The following SRGAP3 variants were observed in gnomAD, a reference collection of about 807,000 sequenced individuals.
SRGAP3 encodes SLIT-ROBO Rho GTPase activating protein 3.
A neutral mutation model predicts 121.1 loss-of-function variants in SRGAP3; 39 were observed. That is an observed-to-expected ratio of 0.32 (90% CI 0.25 to 0.42). The LOEUF is 0.42. Ranked by LOEUF, SRGAP3 falls within the 10% of genes least tolerant of loss-of-function variation. The pLI, the probability that SRGAP3 is intolerant of heterozygous loss-of-function variation, is 1.00. For missense variants in SRGAP3, 1,213 were observed against 1,470.6 expected, an observed-to-expected ratio of 0.82 and a Z score of 2.86; for synonymous variants, 601 against 570.0, an observed-to-expected ratio of 1.05 and a Z score of -0.77.
intron 1 of SRGAP3, among the ~76,000 whole-genome samples, chr3:9,232,163 C>T (rs939479861): frequency 2.6e-5 from 4 of 152,218 alleles, no homozygotes; most frequent in African/African-American, 9.6e-5. Context: ...ATGAGCACCA[C>T]AGTAAGTTCA....
At chr3:9,306,110 T>C (rs1955156617) in intron 3 of SRGAP3, among the ~76,000 whole-genome samples, 1 of 152,258 alleles carries the variant, frequency 6.6e-6, no homozygotes, top group African/African-American at 2.4e-5. Context: ...CCATTCCAAA[T>C]GGCGTGAGAT....
chr3:9,294,920 T>G (rs776229372), intron 3 of SRGAP3, among the ~76,000 whole-genome samples: 7 of 152,200 alleles, frequency 4.6e-5, no homozygotes, highest in Non-Finnish European at 8.8e-5. Flanking sequence ...TGTTCCTTCC[T>G]GCCCTTCGTT....
intron 1 of SRGAP3, among the ~76,000 whole-genome samples, chr3:9,140,525 C>G (rs986251910): frequency 6.6e-6 from 1 of 152,138 alleles, no homozygotes; most frequent in African/African-American, 2.4e-5. Context: ...CACTGAACAC[C>G]TATGTGCTAA....
chr3:9,326,954 ACT>A (rs984475905), intron 2 of SRGAP3, among the ~76,000 whole-genome samples: 4 of 151,696 alleles, frequency 2.6e-5, no homozygotes, highest in African/African-American at 9.6e-5. Context: ...AGGCCAACTG[ACT>A]CTGTCTCCTT....
upstream of SRGAP3, among the ~76,000 whole-genome samples, chr3:9,252,677 A>G (rs949335889): frequency 6.6e-6 from 1 of 152,158 alleles, no homozygotes; most frequent in Non-Finnish European, 1.5e-5. Flanking sequence ...GCAGGCCCCC[A>G]GCACCAGGTC....
At chr3:9,247,670 T>A (rs2125246203) in intron 1 of SRGAP3, among the ~76,000 whole-genome samples, 1 of 152,234 alleles carries the variant, frequency 6.6e-6, no homozygotes, top group East Asian at 1.9e-4. Flanking sequence ...GAGCCCCAAA[T>A]ACCCAACTTG....
intron 3 of SRGAP3, among the ~76,000 whole-genome samples, chr3:9,286,103 C>T (rs1252250003): frequency 7.0e-6 from 1 of 142,470 alleles, no homozygotes; most frequent in Admixed American, 7.6e-5. Context: ...CAAAGCGAGA[C>T]CCTATCTCAA....
intron 4 of SRGAP3, among the ~76,000 whole-genome samples, chr3:9,075,822 T>C (rs1446566296): frequency 6.6e-6 from 1 of 152,154 alleles, no homozygotes; most frequent in Non-Finnish European, 1.5e-5. Context: ...CCAGGCATGG[T>C]AACTAGAAAG....
intron 3 of SRGAP3, among the ~76,000 whole-genome samples, chr3:9,275,899 C>T (rs1321214845): frequency 1.3e-5 from 2 of 152,002 alleles, no homozygotes; most frequent in African/African-American, 4.8e-5. Flanking sequence ...GAATCTACTG[C>T]TAAAAAAATA....
At chr3:9,188,012 C>A (rs550613731) in intron 1 of SRGAP3, among the ~76,000 whole-genome samples, 1 of 152,266 alleles carries the variant, frequency 6.6e-6, no homozygotes, top group South Asian at 2.1e-4. Context: ...TTTCTGTGCC[C>A]ATCCCAAATT....
intron 1 of SRGAP3, among the ~76,000 whole-genome samples, chr3:9,204,614 T>C (rs1952196515): frequency 6.6e-6 from 1 of 151,720 alleles, no homozygotes; most frequent in Non-Finnish European, 1.5e-5. Flanking sequence ...GGGGAAAACA[T>C]TCTACACCCA....
intron 1 of SRGAP3, among the ~76,000 whole-genome samples, chr3:9,177,713 TCAACA>T (rs1157533198): frequency 1.3e-5 from 2 of 152,210 alleles, no homozygotes; most frequent in African/African-American, 4.8e-5. Context: ...TTTTCTGGCA[TCAACA>T]CTTGAGTGTT....
chr3:9,278,126 G>A (rs1292678270), intron 3 of SRGAP3, among the ~76,000 whole-genome samples: 1 of 152,176 alleles, frequency 6.6e-6, no homozygotes, highest in Non-Finnish European at 1.5e-5. Flanking sequence ...CCAGTTTATG[G>A]TATTTTCTTA....
In SRGAP3 at chr3:8,992,948, G is replaced by T; in HGVS notation, c.2516C>A (p.Thr839Lys). ...AAAGCCGTAATCCGAGATGTGCTCC[G>T]TGGGGGACTGGAGGTCGTTTTTGGA... ...ASSKNDLQSPTEHISDYGFGG... is the reference protein window; with the variant it reads ...ASSKNDLQSPKEHISDYGFGG... The change falls in exon 20 of 22, where the codon ACG becomes AAG. Residue 839 changes from threonine to lysine, a missense_variant. This residue lies in a region of SRGAP3 where 420 missense variants were observed against 437.7 expected (regional missense o/e 0.96). Transcript: ENST00000383836. 1 of 1,614,206 alleles carries T rather than the reference G, an allele frequency of 6.2e-7. No individual in the cohort carries two copies. The highest frequency in any genetic ancestry group is 8.5e-7 in the Non-Finnish European group (1 of 1,180,044).
At chr3:9,012,976 T>C (rs1943448256) in intron 17 of SRGAP3, among the ~76,000 whole-genome samples, 1 of 152,128 alleles carries the variant, frequency 6.6e-6, no homozygotes, top group African/African-American at 2.4e-5. Context: ...GGCCAAGGAA[T>C]GGAGACTGCA....
chr3:9,115,427 T>C (rs966264409), intron 2 of SRGAP3, among the ~76,000 whole-genome samples: 19 of 152,370 alleles, frequency 1.2e-4, no homozygotes, highest in African/African-American at 4.3e-4. Flanking sequence ...GAAATGTATA[T>C]ATGCATATCA....
chr3:8,981,680 T>C lies in SRGAP3; in HGVS notation c.*3839A>G. On this transcript the variant is annotated 3_prime_UTR_variant, in exon 22 of 22. Coordinates refer to ENST00000383836, the MANE Select transcript of SRGAP3 (RefSeq NM_014850.4). Reference sequence around the variant, plus strand: ...GCCCCTTCCCACACTGGTTCCTCTTTGTGTACCACAAACCGGTTTTAAATG... The same window carrying C: ...GCCCCTTCCCACACTGGTTCCTCTTCGTGTACCACAAACCGGTTTTAAATG... 1 of 232,140 alleles carries C rather than the reference T, an allele frequency of 4.3e-6. No homozygotes were observed. The highest frequency in any genetic ancestry group is 8.5e-6 in the Non-Finnish European group (1 of 117,108). 14.4% of individuals were successfully genotyped at this position (232,140 alleles called of 1,614,324 possible). A position where few individuals can be genotyped will look rare whatever the true frequency, so the allele number is the denominator to read the frequency against.
chr3:8,987,046 T>C (rs1941754819), intron 21 of SRGAP3, among the ~76,000 whole-genome samples: 2 of 152,262 alleles, frequency 1.3e-5, no homozygotes, highest in Admixed American at 1.3e-4. Flanking sequence ...TGTGGCCAGT[T>C]GCTGGCCGTG....
chr3:9,020,076 A>G (rs1943839208), intron 14 of SRGAP3, among the ~76,000 whole-genome samples: 1 of 152,202 alleles, frequency 6.6e-6, no homozygotes, highest in Non-Finnish European at 1.5e-5. Context: ...TTCCAATACC[A>G]CCATTCTCTC....
Sources: gnomAD v4.1 joint callset for allele counts (sites outside exome capture counted in the v4.1 genomes callset) on GRCh38, gnomAD v4.1.1 for gene constraint, gnomAD v4.1.1 regional missense constraint, MANE v1.5 for transcripts, NCBI Gene and HGNC (gene_info 2026-07-23, HGNC 2026-07-21) for gene names.